Variants in RFNG observed in about 807,000 individuals in gnomAD.
The protein encoded by RFNG is beta-1,3-N-acetylglucosaminyltransferase radical fringe.
RFNG carries 37 observed loss-of-function variants against 29.6 expected under a neutral mutation model. The ratio of observed to expected loss-of-function variants is 1.25; its 90% CI spans 0.96 to 1.65. The LOEUF is 1.65. RFNG is among the 40% of genes most tolerant of loss of function. The probability of loss-of-function intolerance (pLI) is 0.00; values close to 1 mark genes in which losing one functional copy is unlikely to be tolerated. For synonymous variants in RFNG, 276 were observed against 197.3 expected (o/e 1.40, Z -3.34); for missense variants, 546 against 457.0 (o/e 1.19, Z -1.78).
rs1015311117 is a variant in RFNG, at chr17:82,048,812, G to A, written c.915-5C>T. ...AGACAATGGATAGACTTAAACCTGG[G>A]GAAGGAAGAAGTAGGGGTCAGGGCC... On this transcript the variant is annotated splice_polypyrimidine_tract_variant and splice_region_variant and intron_variant, in intron 7 of 7. Coordinates refer to ENST00000310496, the MANE Select transcript of RFNG (RefSeq NM_002917.2). The A allele has an allele frequency of 9.3e-6, 15 of 1,611,932 alleles. No individual in the cohort carries two copies. Among genetic ancestry groups the A allele is most frequent in the African/African-American group, 2.7e-5 (2 of 74,950 alleles).
chr17:82,050,189 C>T (rs1341065251), intron 4 of RFNG, 183 bp from the exon 5 acceptor site: 3 of 775,036 alleles, frequency 3.9e-6, no homozygotes, highest in Non-Finnish European at 2.0e-6. Flanking sequence ...CCTCCAGACC[C>T]TCCCCACCTG....
chr17:82,051,376 C>T lies in RFNG; in HGVS notation c.268-34G>A. ...GAAACAATCTATGAGGCTTCTGGGGCGCTGCCCAGGCCGGAGACCGACCCG... is the reference window on the plus strand; with the variant it reads ...GAAACAATCTATGAGGCTTCTGGGGTGCTGCCCAGGCCGGAGACCGACCCG... On this transcript the variant is annotated intron_variant, in intron 1 of 7. Transcript: ENST00000310496. The surrounding 1 kb of genome is among the most constrained non-coding windows in gnomAD (Gnocchi z 4.1). 1 of 1,447,592 alleles carries T rather than the reference C, an allele frequency of 6.9e-7. No individual in the cohort carries two copies. The highest frequency in any genetic ancestry group is 2.8e-5 in the East Asian group (1 of 35,664). 89.7% of individuals were successfully genotyped at this position (1,447,592 alleles called of 1,614,324 possible). A position where few individuals can be genotyped will look rare whatever the true frequency, so the allele number is the denominator to read the frequency against.
Position 82,048,235 on chromosome 17 carries a change from GTGGTGCCCGGCCGTGCACC to G in RFNG, c.*472_*490del, listed in dbSNP as rs1322394695. 1 of 176,782 alleles carries G rather than the reference GTGGTGCCCGGCCGTGCACC, an allele frequency of 5.7e-6. No individual in the cohort carries two copies. The highest frequency in any genetic ancestry group is 1.2e-5 in the Non-Finnish European group (1 of 82,884). The allele number at this position is 176,782 out of a possible 1,614,324, so 11.0% of individuals were successfully genotyped here. ...GACCTTCCCGGGCCTGAGTCCCACT[GTGGTGCCCGGCCGTGCACC>G]CAGCCTGCGGCAGAGAGGGCGGCGT... On this transcript the variant is annotated 3_prime_UTR_variant, in exon 8 of 8. Coordinates refer to ENST00000310496, the MANE Select transcript of RFNG (RefSeq NM_002917.2).
rs1015473605 is a variant in RFNG, at chr17:82,051,593, G to C, written c.174C>G (p.Asp58Glu). The C allele has an allele frequency of 1.5e-6, 2 of 1,306,494 alleles. No homozygotes were observed. Among genetic ancestry groups the C allele is most frequent in the African/African-American group, 3.1e-5 (2 of 64,256 alleles). The allele number at this position is 1,306,494 out of a possible 1,614,324, so 80.9% of individuals were successfully genotyped here. A position where few individuals can be genotyped will look rare whatever the true frequency, so the allele number is the denominator to read the frequency against. Residue 58 changes from aspartate to glutamate, a missense_variant, in exon 1 of 8, where the codon GAC (aspartate) becomes GAG (glutamate). Asp to Glu is a conservative substitution (Grantham distance 45). Coordinates refer to ENST00000310496, the MANE Select transcript of RFNG (RefSeq NM_002917.2). This position sits in a 1 kb window ranked among gnomAD's most constrained non-coding sequence, Gnocchi z 4.1. ...TGGTCTTGACGGCGATGAAGACGTC[G>C]TCAGGCCGCAGGCTGGGGGCAGCGG... Reference protein sequence around the residue: ...SRPAAPSLRPDDVFIAVKTTR... With the variant: ...SRPAAPSLRPEDVFIAVKTTR...
intron 6 of RFNG, 21 bp downstream of exon 6, chr17:82,049,656 C>T (rs2030151465): frequency 6.8e-7 from 1 of 1,460,488 alleles, no homozygotes; most frequent in Non-Finnish European, 9.0e-7. Context: ...GTGGCAGAGG[C>T]ACCCAGAGTG....
intron 7 of RFNG, 98 bp from the exon 8 acceptor site, chr17:82,048,905 T>G (rs1308053659): frequency 2.8e-6 from 4 of 1,405,756 alleles, no homozygotes; most frequent in African/African-American, 1.5e-5. Flanking sequence ...GGGCCGTGGG[T>G]ACAGGGAGAA....
At chr17:82,050,118 G>A (rs920386647) in intron 4 of RFNG, 112 bp from the exon 5 acceptor site, 5 of 987,410 alleles carry the variant, frequency 5.1e-6, no homozygotes, top group African/African-American at 4.9e-5. Flanking sequence ...ATCCCACCCA[G>A]GTAACAGAAG....
rs2030598325 is a variant in RFNG, at chr17:82,051,579, G to A, written c.188C>T (p.Ala63Val). 3.0e-6 allele frequency: 4 copies of A among 1,348,882 alleles called. No individual in the cohort carries two copies. The highest frequency in any genetic ancestry group is 1.9e-6 in the Non-Finnish European group (2 of 1,047,350). 83.6% of individuals were successfully genotyped at this position (1,348,882 alleles called of 1,614,324 possible). Residue 63 changes from alanine (A) to valine (V), a missense_variant, in exon 1 of 8, where the codon GCC (alanine) becomes GTC (valine). Coordinates refer to ENST00000310496, the MANE Select transcript of RFNG (RefSeq NM_002917.2). This position sits in a 1 kb window ranked among gnomAD's most constrained non-coding sequence, Gnocchi z 4.1. ...GTGGTTCTTCCGGGTGGTCTTGACG[G>A]CGATGAAGACGTCGTCAGGCCGCAG... is the stretch of plus-strand genomic sequence containing the variant. ...PSLRPDDVFI[A>V]VKTTRKNHGP...
At position 82,051,418 on chromosome 17, in the gene RFNG, C is replaced by A; in HGVS notation, c.268-76G>T. The A allele has an allele frequency of 7.2e-7, 1 of 1,391,016 alleles. No homozygotes were observed. Among genetic ancestry groups the A allele is most frequent in the Non-Finnish European group, 9.3e-7 (1 of 1,073,774 alleles). The allele number at this position is 1,391,016 out of a possible 1,614,324, so 86.2% of individuals were successfully genotyped here. ...ACCGACCCGCCCCGCGCGGAGCCTC[C>A]GGGGGCCTGGGCCGGGCCTAGACCC... On this transcript the variant is annotated intron_variant, in intron 1 of 7. Transcript: ENST00000310496. This position sits in a 1 kb window ranked among gnomAD's most constrained non-coding sequence, Gnocchi z 4.1.
chr17:82,051,381 C>T lies in RFNG; in HGVS notation c.268-39G>A. 6.9e-7 allele frequency: 1 copy of T among 1,442,312 alleles called. No individual in the cohort carries two copies. The highest frequency in any genetic ancestry group is 9.1e-7 in the Non-Finnish European group (1 of 1,104,790). 89.3% of individuals were successfully genotyped at this position (1,442,312 alleles called of 1,614,324 possible). On this transcript the variant is annotated intron_variant, in intron 1 of 7. Coordinates refer to ENST00000310496, the MANE Select transcript of RFNG (RefSeq NM_002917.2). This position sits in a 1 kb window ranked among gnomAD's most constrained non-coding sequence, Gnocchi z 4.1. ...AATCTATGAGGCTTCTGGGGCGCTG[C>T]CCAGGCCGGAGACCGACCCGCCCCG...
Position 82,051,011 on chromosome 17 carries a change from C to A in RFNG, c.317-247G>T. On this transcript the variant is annotated intron_variant, in intron 2 of 7. Coordinates refer to ENST00000310496, the MANE Select transcript of RFNG (RefSeq NM_002917.2). The surrounding 1 kb of genome is among the most constrained non-coding windows in gnomAD (Gnocchi z 4.1). ...ACAGGACGGAGGCAGCTCGCCCTGA[C>A]CTGGCCTGGAAGGGCGGATTCCCTG... is the stretch of plus-strand genomic sequence containing the variant. 1 of 1,409,100 alleles carries A rather than the reference C, an allele frequency of 7.1e-7. No individual in the cohort carries two copies. The highest frequency in any genetic ancestry group is 9.2e-7 in the Non-Finnish European group (1 of 1,086,270). The allele number at this position is 1,409,100 out of a possible 1,614,324, so 87.3% of individuals were successfully genotyped here.
chr17:82,051,143 G>A lies in RFNG; in HGVS notation c.316+151C>T, dbSNP rs1349991677. ...TGGCTGGCAGGGTGGGCCCTCCGCAGGCCGCGTGACCTGGGCAGCGTCGGG... is the reference window on the plus strand; with the variant it reads ...TGGCTGGCAGGGTGGGCCCTCCGCAAGCCGCGTGACCTGGGCAGCGTCGGG... On this transcript the variant is annotated intron_variant, in intron 2 of 7. Transcript: ENST00000310496. The surrounding 1 kb of genome is among the most constrained non-coding windows in gnomAD (Gnocchi z 4.1). The A allele has an allele frequency of 7.6e-7, 1 of 1,317,728 alleles. No individual in the cohort carries two copies. The highest frequency in any genetic ancestry group is 3.1e-5 in the East Asian group (1 of 32,786). The allele number at this position is 1,317,728 out of a possible 1,614,324, so 81.6% of individuals were successfully genotyped here.
chr17:82,050,812 T>G, intron 2 of RFNG, 48 bp from the exon 3 acceptor site: 1 of 1,583,426 alleles, frequency 6.3e-7, no homozygotes. Flanking sequence ...GGCACTGGGG[T>G]TGGGGTAAGG....
At position 82,048,468 on chromosome 17, in the gene RFNG, C is replaced by T; in HGVS notation, c.*258G>A. 1 of 532,066 alleles carries T rather than the reference C, an allele frequency of 1.9e-6. No homozygotes were observed. The highest frequency in any genetic ancestry group is 2.0e-5 in the South Asian group (1 of 48,982). The allele number at this position is 532,066 out of a possible 1,614,324, so 33.0% of individuals were successfully genotyped here. ...TGGAAGCCTGTTCCCGTGGGATCAA[C>T]CTTGGGGCTGGGTCGGGGGGAGGGG... is the stretch of plus-strand genomic sequence containing the variant. On this transcript the variant is annotated 3_prime_UTR_variant, in exon 8 of 8. Coordinates refer to ENST00000310496, the MANE Select transcript of RFNG (RefSeq NM_002917.2).
At chr17:82,049,615 C>T (rs2030146200) in intron 6 of RFNG, 62 bp downstream of exon 6, 1 of 1,468,388 alleles carries the variant, frequency 6.8e-7, no homozygotes, top group Non-Finnish European at 9.0e-7. Context: ...CAGTGGGGCC[C>T]CTGGGGGAGT....
Position 82,051,551 on chromosome 17 carries a change from C to T in RFNG, c.216G>A (p.Gly72=). 1.4e-6 allele frequency: 2 copies of T among 1,398,168 alleles called. No individual in the cohort carries two copies. Among genetic ancestry groups the T allele is most frequent in the Non-Finnish European group, 1.9e-6 (2 of 1,071,604 alleles). The allele number at this position is 1,398,168 out of a possible 1,614,324, so 86.6% of individuals were successfully genotyped here. A position where few individuals can be genotyped will look rare whatever the true frequency, so the allele number is the denominator to read the frequency against. The change falls in exon 1 of 8, where the codon GGG becomes GGA. Residue 72 remains glycine (G), a synonymous_variant. Transcript: ENST00000310496. This position sits in a 1 kb window ranked among gnomAD's most constrained non-coding sequence, Gnocchi z 4.1. ...IAVKTTRKNH[G]PRLRLLLRTW... ...TGCGCAGCAGCAGCCGCAGGCGCGG[C>T]CCGTGGTTCTTCCGGGTGGTCTTGA...
chr17:82,051,784 C>T lies in RFNG; in HGVS notation c.-18G>A. The T allele has an allele frequency of 1.8e-6, 2 of 1,116,468 alleles. No homozygotes were observed. The highest frequency in any genetic ancestry group is 2.2e-6 in the Non-Finnish European group (2 of 914,892). The allele number at this position is 1,116,468 out of a possible 1,614,324, so 69.2% of individuals were successfully genotyped here. ...CGGCTCATGCGGCCGCCGGGACCCC[C>T]GGCGCTGCGAGCGGAGAACCTGGCC... On this transcript the variant is annotated 5_prime_UTR_variant, in exon 1 of 8. Transcript: ENST00000310496. The surrounding 1 kb of genome is among the most constrained non-coding windows in gnomAD (Gnocchi z 4.1).
At position 82,049,018 on chromosome 17, in the gene RFNG, ACT is replaced by A; in HGVS notation, c.914+11_914+12del. On this transcript the variant is annotated intron_variant, in intron 7 of 7. Coordinates refer to ENST00000310496, the MANE Select transcript of RFNG (RefSeq NM_002917.2). ...GCGGGGCCGAGGGCCTGCCCATGCC[ACT>A]ACCTACTCACCGTGTGGGGTCTTGA... 1 of 1,612,584 alleles carries A rather than the reference ACT, an allele frequency of 6.2e-7. No individual in the cohort carries two copies. Among genetic ancestry groups the A allele is most frequent in the Non-Finnish European group, 8.5e-7 (1 of 1,179,506 alleles).
rs912758921 is a variant in RFNG, at chr17:82,051,227, G to C, written c.316+67C>G. On this transcript the variant is annotated intron_variant, in intron 2 of 7. Coordinates refer to ENST00000310496, the MANE Select transcript of RFNG (RefSeq NM_002917.2). This position sits in a 1 kb window ranked among gnomAD's most constrained non-coding sequence, Gnocchi z 4.1. ...AGGCACCCACAGCAGCGAAGGGGCC[G>C]TGGCTTCGGAGCGAGAAAGGCTCGG... 7.6e-7 allele frequency: 1 copy of C among 1,317,026 alleles called. No individual in the cohort carries two copies. Among genetic ancestry groups the C allele is most frequent in the African/African-American group, 1.5e-5 (1 of 65,328 alleles). 81.6% of individuals were successfully genotyped at this position (1,317,026 alleles called of 1,614,324 possible).
Sources: gnomAD v4.1 joint callset for allele counts on GRCh38, gnomAD v4.1.1 for gene constraint, Gnocchi (gnomAD v3.1) non-coding constraint, MANE v1.5 for transcripts, NCBI Gene and HGNC (gene_info 2026-07-23, HGNC 2026-07-21) for gene names.